Variants in CD2AP observed in about 807,000 individuals in gnomAD.
The protein encoded by CD2AP is CD2-associated protein.
A neutral mutation model predicts 85.1 loss-of-function variants in CD2AP; 46 were observed. The ratio of observed to expected loss-of-function variants is 0.54; its 90% confidence interval spans 0.43 to 0.69. CD2AP has a LOEUF of 0.69. Ranked by LOEUF, CD2AP falls within the 30% of genes least tolerant of loss-of-function variation. The probability of loss-of-function intolerance (pLI) is 0.00; values close to 1 mark genes in which losing one functional copy is unlikely to be tolerated. For missense variants in CD2AP, 769 were observed against 729.5 expected, an observed-to-expected ratio of 1.05 and a Z score of -0.62; for synonymous variants, 255 against 252.9, an observed-to-expected ratio of 1.01 and a Z score of -0.08.
chr6:47,502,050 G>A (rs1319026080), intron 1 of CD2AP, among the ~76,000 whole-genome samples: 1 of 152,126 alleles, frequency 6.6e-6, no homozygotes, highest in African/African-American at 2.4e-5. Flanking sequence ...TCACATTTGG[G>A]GCTCTACTGG....
At chr6:47,521,841 TC>T (rs544597298) in intron 2 of CD2AP, among the ~76,000 whole-genome samples, 435 of 151,216 alleles carry the variant, frequency 2.9e-3, no homozygotes, top group African/African-American at 9.4e-3. Context: ...CGTGGAGAAA[TC>T]CCGTCTCTAC....
chr6:47,620,328 T>A (rs1769711263), intron 17 of CD2AP, among the ~76,000 whole-genome samples: 1 of 151,958 alleles, frequency 6.6e-6, no homozygotes, highest in Admixed American at 6.6e-5. Context: ...GTCCTTTATG[T>A]TTTTGTTTGC....
chr6:47,620,514 T>A (rs1249545100), intron 17 of CD2AP, among the ~76,000 whole-genome samples: 8 of 152,188 alleles, frequency 5.3e-5, no homozygotes, highest in African/African-American at 1.9e-4. Flanking sequence ...TCCTTAGTCT[T>A]GCTTTGGCTA....
intron 2 of CD2AP, among the ~76,000 whole-genome samples, chr6:47,525,803 A>T (rs1279310800): frequency 6.6e-6 from 1 of 152,082 alleles, no homozygotes; most frequent in Non-Finnish European, 1.5e-5. Flanking sequence ...AGTATAGCAC[A>T]TTCTTATCTA....
At chr6:47,499,798 G>T (rs1426386522) in intron 1 of CD2AP, among the ~76,000 whole-genome samples, 1 of 152,074 alleles carries the variant, frequency 6.6e-6, no homozygotes, top group African/African-American at 2.4e-5. Context: ...GCACGACCTC[G>T]GCTCACTGCA....
intron 1 of CD2AP, among the ~76,000 whole-genome samples, chr6:47,481,727 C>G (rs564533527): frequency 6.8e-4 from 104 of 152,088 alleles, no homozygotes; most frequent in African/African-American, 2.4e-3. Flanking sequence ...CTTTATGTTA[C>G]TTTGTTGTAC....
At position 47,491,590 on chromosome 6, in the gene CD2AP, G is replaced by A. The variant is rs182558270; in HGVS notation, c.5-11690G>A. ...GACCAGAATTAAAAGTAAACATTCTGTAGTCAATGCCCATACAACTTATGC... is the reference window on the plus strand; with the variant it reads ...GACCAGAATTAAAAGTAAACATTCTATAGTCAATGCCCATACAACTTATGC... On this transcript the variant is annotated intron_variant, in intron 1 of 17. Transcript: ENST00000359314. Among the ~76,000 whole-genome samples the A allele has an allele frequency of 2.0e-4, 30 of 152,096 alleles. No homozygotes were observed. The East Asian group carries it at 5.0e-3, about 25-fold the overall frequency.
chr6:47,548,877 A>C (rs1247504043), intron 4 of CD2AP, among the ~76,000 whole-genome samples: 1 of 152,194 alleles, frequency 6.6e-6, no homozygotes, highest in Non-Finnish European at 1.5e-5. Flanking sequence ...GTTTCATATC[A>C]GGGATGCAGG....
intron 5 of CD2AP, among the ~76,000 whole-genome samples, chr6:47,558,607 T>C (rs1767759113): frequency 1.3e-5 from 2 of 152,224 alleles, no homozygotes; most frequent in South Asian, 4.1e-4. Flanking sequence ...TGATTCTGTT[T>C]ATGTGATGGA....
At position 47,627,043 on chromosome 6, in the gene CD2AP, T is replaced by A. The variant is rs1769925967; in HGVS notation, c.*2816T>A. 1 of 152,436 alleles carries A rather than the reference T, an allele frequency of 6.6e-6. No homozygotes were observed. Among genetic ancestry groups the A allele is most frequent in the Non-Finnish European group, 1.5e-5 (1 of 67,904 alleles). The allele number at this position is 152,436 out of a possible 1,614,324, so 9.4% of individuals were successfully genotyped here. On this transcript the variant is annotated 3_prime_UTR_variant, in exon 18 of 18. Transcript: ENST00000359314. ...AAAAAAAAAATTGAGAGGGGGAATC[T>A]CAAAATAGTATATACTTCACTAACT...
chr6:47,509,272 T>G (rs1766256226), intron 2 of CD2AP, among the ~76,000 whole-genome samples: 1 of 152,080 alleles, frequency 6.6e-6, no homozygotes, highest in South Asian at 2.1e-4. Context: ...AATGGTAACA[T>G]TAAAGATCAC....
At chr6:47,480,324 C>T (rs569317348) in intron 1 of CD2AP, among the ~76,000 whole-genome samples, 16 of 152,036 alleles carry the variant, frequency 1.1e-4, no homozygotes, top group Non-Finnish European at 2.2e-4. Context: ...TTTTACCAGC[C>T]ATCCTTTTTT....
chr6:47,583,935 GT>G (rs1768551870), intron 11 of CD2AP, among the ~76,000 whole-genome samples: 2 of 152,142 alleles, frequency 1.3e-5, no homozygotes, highest in Non-Finnish European at 2.9e-5. Context: ...TATTTTAAGT[GT>G]TTTGGATTTT....
chr6:47,608,677 AAGGGGT>A (rs1769340499), intron 15 of CD2AP, among the ~76,000 whole-genome samples: 1 of 152,156 alleles, frequency 6.6e-6, no homozygotes, highest in Non-Finnish European at 1.5e-5. Context: ...TGAAATAGTT[AAGGGGT>A]GTCAGGCTAT....
At chr6:47,496,745 T>C (rs1389346171) in intron 1 of CD2AP, among the ~76,000 whole-genome samples, 1 of 152,226 alleles carries the variant, frequency 6.6e-6, no homozygotes, top group African/African-American at 2.4e-5. Flanking sequence ...TCTAAATCTA[T>C]CTGTTTTAAT....
intron 5 of CD2AP, among the ~76,000 whole-genome samples, chr6:47,567,746 G>A (rs137879436): frequency 6.6e-6 from 1 of 152,274 alleles, no homozygotes; most frequent in African/African-American, 2.4e-5. Context: ...TTAATTCAGA[G>A]GCATTATAGA....
chr6:47,517,509 T>G (rs1466370772), intron 2 of CD2AP, among the ~76,000 whole-genome samples: 3 of 152,070 alleles, frequency 2.0e-5, no homozygotes, highest in Non-Finnish European at 4.4e-5. Context: ...AGGCTGGTCT[T>G]GAACTTCTGG....
chr6:47,622,453 G>A (rs1034299042), intron 17 of CD2AP, among the ~76,000 whole-genome samples: 3 of 151,264 alleles, frequency 2.0e-5, no homozygotes, highest in Non-Finnish European at 4.4e-5. Context: ...CCTCCCTATG[G>A]ATCCCTGTGG....
At chr6:47,601,897 A>T (rs1769148053) in intron 13 of CD2AP, among the ~76,000 whole-genome samples, 2 of 151,976 alleles carry the variant, frequency 1.3e-5, no homozygotes, top group African/African-American at 4.8e-5. Context: ...TTACTAGTTG[A>T]TTGCTGATAG....
Sources: gnomAD v4.1 joint callset for allele counts (sites outside exome capture counted in the v4.1 genomes callset) on GRCh38, gnomAD v4.1.1 for gene constraint, MANE v1.5 for transcripts, NCBI Gene and HGNC (gene_info 2026-07-23, HGNC 2026-07-21) for gene names.